The following FAXC variants were observed in gnomAD, a reference collection of about 807,000 sequenced individuals.
The protein encoded by FAXC is failed axon connections homolog, metaxin like GST domain containing.
A neutral mutation model predicts 41.9 loss-of-function variants in FAXC; 10 were observed. The observed-to-expected ratio is 0.24, with a 90% CI of 0.15 to 0.41. The LOEUF (loss-of-function observed/expected upper bound fraction) is 0.41, where lower values mean the gene tolerates loss of function less well. FAXC is among the 10% of genes least tolerant of loss of function. FAXC has a pLI of 1.00. For synonymous variants in FAXC, 183 were observed against 183.8 expected, an observed-to-expected ratio of 1.00 and a Z score of 0.03; for missense variants, 399 against 510.9, an observed-to-expected ratio of 0.78 and a Z score of 2.11.
At chr6:99,339,589 T>A (rs767586657) in intron 2 of FAXC, among the ~76,000 whole-genome samples, 3 of 152,008 alleles carry the variant, frequency 2.0e-5, no homozygotes, top group Non-Finnish European at 4.4e-5. Flanking sequence ...TATCCTCCAA[T>A]GGATAAAGGA....
At chr6:99,347,479 G>A (rs537794052) in intron 1 of FAXC, among the ~76,000 whole-genome samples, 2 of 152,138 alleles carry the variant, frequency 1.3e-5, no homozygotes, top group South Asian at 4.2e-4. Flanking sequence ...TAAGCATCCA[G>A]TGCTGAGGTA....
At chr6:99,318,786 T>C (rs149484334) in intron 4 of FAXC, among the ~76,000 whole-genome samples, 1 of 152,288 alleles carries the variant, frequency 6.6e-6, no homozygotes, top group African/African-American at 2.4e-5. Context: ...CTCAAGTTAT[T>C]TGTGTGAAAT....
At chr6:99,342,847 C>A in intron 2 of FAXC, 51 bp downstream of exon 2, 1 of 1,530,342 alleles carries the variant, frequency 6.5e-7, no homozygotes, top group Non-Finnish European at 8.8e-7. Context: ...GTTAAATACT[C>A]ATCCCCTGAT....
chr6:99,281,492 G>T (rs768480766), intron 5 of FAXC, 39 bp from the exon 6 acceptor site: 1 of 1,493,102 alleles, frequency 6.7e-7, no homozygotes, highest in Non-Finnish European at 9.3e-7. Context: ...AGTTCTCAAA[G>T]GCAGCAGTCT....
chr6:99,276,452 A>T lies in FAXC; in HGVS notation c.*4712T>A, dbSNP rs1372682217. 6.6e-6 allele frequency: 1 copy of T among 152,208 alleles called. No homozygotes were observed. The highest frequency in any genetic ancestry group is 2.4e-5 in the African/African-American group (1 of 41,450). 9.4% of individuals were successfully genotyped at this position (152,208 alleles called of 1,614,324 possible). Reference sequence around the variant, plus strand: ...TGATAAATCAATTTTGGGGGTGGTTAAAAGATAAATGACAAGGACAACAAC... The same window carrying T: ...TGATAAATCAATTTTGGGGGTGGTTTAAAGATAAATGACAAGGACAACAAC... On this transcript the variant is annotated 3_prime_UTR_variant, in exon 6 of 6. Transcript: ENST00000389677.
chr6:99,348,476 A>G (rs1193102137), intron 1 of FAXC, among the ~76,000 whole-genome samples: 1 of 152,178 alleles, frequency 6.6e-6, no homozygotes, highest in Non-Finnish European at 1.5e-5. Flanking sequence ...GTTGTGCCCA[A>G]CACACCCATG....
intron 4 of FAXC, among the ~76,000 whole-genome samples, chr6:99,316,164 C>G (rs1022870569): frequency 6.6e-6 from 1 of 151,676 alleles, no homozygotes; most frequent in East Asian, 2.0e-4. Flanking sequence ...CTCGCCCCCC[C>G]CCACCCACAA....
rs1770803716 is a variant in FAXC, at chr6:99,280,856, AG to A, written c.*307del. ...GAAGAGGATCATCATAAAAACTATC[AG>A]CTGACAACCAGCTCTTACACCTGCT... On this transcript the variant is annotated 3_prime_UTR_variant, in exon 6 of 6. Transcript: ENST00000389677. 1 of 240,558 alleles carries A rather than the reference AG, an allele frequency of 4.2e-6. No homozygotes were observed. The highest frequency in any genetic ancestry group is 7.1e-5 in the South Asian group (1 of 14,048). 14.9% of individuals were successfully genotyped at this position (240,558 alleles called of 1,614,324 possible). A position where few individuals can be genotyped will look rare whatever the true frequency, so the allele number is the denominator to read the frequency against.
chr6:99,309,379 C>T (rs221536), intron 4 of FAXC, among the ~76,000 whole-genome samples: 133,105 of 152,192 alleles, frequency 0.87, 58,695 homozygotes, highest in East Asian at 1. Flanking sequence ...CCGTTTGTAT[C>T]GCTAAGTAAG....
At chr6:99,306,344 G>A (rs927375309) in intron 4 of FAXC, among the ~76,000 whole-genome samples, 8 of 152,298 alleles carry the variant, frequency 5.3e-5, no homozygotes, top group South Asian at 2.1e-4. Context: ...AGGAGCCCTC[G>A]AGAATGACTT....
At chr6:99,307,780 T>C (rs976192945) in intron 4 of FAXC, among the ~76,000 whole-genome samples, 7 of 152,168 alleles carry the variant, frequency 4.6e-5, no homozygotes, top group Non-Finnish European at 8.8e-5. Context: ...AGCGCTGCGA[T>C]GCCTACAGTG....
At position 99,272,674 on chromosome 6, in the gene FAXC, T is replaced by C. The variant is rs1770456808; in HGVS notation, c.*8490A>G. The C allele has an allele frequency of 6.6e-6, 1 of 152,250 alleles. No individual in the cohort carries two copies. The highest frequency in any genetic ancestry group is 1.5e-5 in the Non-Finnish European group (1 of 68,048). The allele number at this position is 152,250 out of a possible 1,614,324, so 9.4% of individuals were successfully genotyped here. The stretch of plus-strand genomic sequence containing the variant: ...GATGGGACAGCATATTCCAGAGATC[T>C]GTTTTTCTTCTTAAAAGCCACTCAC... On this transcript the variant is annotated 3_prime_UTR_variant, in exon 6 of 6. Coordinates refer to ENST00000389677, the MANE Select transcript of FAXC (RefSeq NM_032511.4).
At chr6:99,300,494 T>A (rs1441906822) in intron 4 of FAXC, among the ~76,000 whole-genome samples, 1 of 152,256 alleles carries the variant, frequency 6.6e-6, no homozygotes, top group Admixed American at 6.5e-5. Flanking sequence ...ACCAACTCAC[T>A]GATGATCAGC....
Position 99,272,146 on chromosome 6 carries a change from A to ATATGTGTGTGTGTGTGTG in FAXC, c.*9017_*9018insCACACACACACACACATA, listed in dbSNP as rs1207575542. 10 of 143,976 alleles carry ATATGTGTGTGTGTGTGTG rather than the reference A, an allele frequency of 6.9e-5. No homozygotes were observed. The South Asian group carries it at 7.1e-4, about 10-fold the overall frequency. 8.9% of individuals were successfully genotyped at this position (143,976 alleles called of 1,614,324 possible). A position where few individuals can be genotyped will look rare whatever the true frequency, so the allele number is the denominator to read the frequency against. The stretch of plus-strand genomic sequence containing the variant: ...AGGTATGAAAACTAATTGAGACTAT[A>ATATGTGTGTGTGTGTGTG]TGTGTGTGTGTGTGTGTGTGTGTGT... On this transcript the variant is annotated 3_prime_UTR_variant, in exon 6 of 6. Coordinates refer to ENST00000389677, the MANE Select transcript of FAXC (RefSeq NM_032511.4).
intron 3 of FAXC, among the ~76,000 whole-genome samples, chr6:99,328,630 C>A (rs982762853): frequency 7.2e-5 from 11 of 152,202 alleles, no homozygotes; most frequent in Non-Finnish European, 1.5e-4. Context: ...GACATCCTAA[C>A]CTTTCCCGAC....
chr6:99,288,847 G>GACACAC (rs11274408), intron 5 of FAXC, among the ~76,000 whole-genome samples: 198 of 69,510 alleles, frequency 2.8e-3, no homozygotes, highest in African/African-American at 0.011. Flanking sequence ...CACATGAATC[G>GACACAC]ACACACACAC....
chr6:99,288,948 T>C (rs1191663256), intron 5 of FAXC, among the ~76,000 whole-genome samples: 3 of 151,730 alleles, frequency 2.0e-5, no homozygotes. Flanking sequence ...ACTGCTTGCC[T>C]GCCTCAGTTT....
intron 4 of FAXC, among the ~76,000 whole-genome samples, chr6:99,295,694 C>G (rs111744731): frequency 4.1e-4 from 62 of 152,290 alleles, no homozygotes; most frequent in African/African-American, 1.4e-3. Flanking sequence ...CTGACTAATA[C>G]ACCTTCGCAG....
rs539602600 is a variant in FAXC, at chr6:99,347,756, C to T, written c.266+1351G>A. 1.1e-4 allele frequency among the ~76,000 whole-genome samples: 17 copies of T among 152,332 alleles called. No homozygotes were observed. In the South Asian group the frequency reaches 3.1e-3, roughly 28 times the overall value. Reference sequence around the variant, plus strand: ...AACTGGGTTACCATTTAAATTACTGCCCAAATGTTTTAGTTCTTTAGGTAG... The same window carrying T: ...AACTGGGTTACCATTTAAATTACTGTCCAAATGTTTTAGTTCTTTAGGTAG... On this transcript the variant is annotated intron_variant, in intron 1 of 5. Coordinates refer to ENST00000389677, the MANE Select transcript of FAXC (RefSeq NM_032511.4).
Sources: gnomAD v4.1 joint callset for allele counts (sites outside exome capture counted in the v4.1 genomes callset) on GRCh38, gnomAD v4.1.1 for gene constraint, MANE v1.5 for transcripts, NCBI Gene and HGNC (gene_info 2026-07-23, HGNC 2026-07-21) for gene names.